The following MCOLN1 variants were observed in gnomAD, a reference collection of about 807,000 sequenced individuals.
MCOLN1 encodes mucolipin TRP cation channel 1, also known as mucolipin-1.
MCOLN1 carries 50 observed loss-of-function variants against 70.3 expected under a neutral mutation model. That is an observed-to-expected ratio of 0.71 (90% CI 0.57 to 0.90). The LOEUF is 0.90. MCOLN1 is among the 40% of genes least tolerant of loss of function. MCOLN1 has a pLI of 0.00. For missense variants in MCOLN1, 598 were observed against 803.5 expected (o/e 0.74, Z 3.09); for synonymous variants, 366 against 341.0 (o/e 1.07, Z -0.81).
intron 1 of MCOLN1, among the ~76,000 whole-genome samples, chr19:7,523,008 G>T (rs2022516908): frequency 6.6e-6 from 1 of 152,118 alleles, no homozygotes; most frequent in Non-Finnish European, 1.5e-5. Flanking sequence ...ACTCAGGCAG[G>T]GATCGCGCCG....
chr19:7,533,709 G>C, intron 13 of MCOLN1, 50 bp from the exon 14 acceptor site: 1 of 1,614,168 alleles, frequency 6.2e-7, no homozygotes. Context: ...GGGGAAAGGG[G>C]AGCGAGCCAG....
At chr19:7,532,324 C>T (rs2022664591) in intron 12 of MCOLN1, among the ~76,000 whole-genome samples, 1 of 152,146 alleles carries the variant, frequency 6.6e-6, no homozygotes, top group Admixed American at 6.5e-5. Flanking sequence ...GGGACCCCTG[C>T]TTTAGATTGG....
chr19:7,525,089 G>T lies in MCOLN1; in HGVS notation c.160G>T (p.Asp54Tyr). The change falls in exon 2 of 14, where the codon GAC (aspartate) becomes TAC (tyrosine). Residue 54 changes from aspartate to tyrosine, a missense_variant. Asp to Tyr is a radical substitution (Grantham distance 160, BLOSUM62 -3). Transcript: ENST00000264079. This position sits in a 1 kb window ranked among gnomAD's most constrained non-coding sequence, Gnocchi z 4.2. ...RLKYFFMSPC[D>Y]KFRAKGRKPC... Reference sequence around the variant, plus strand: ...CAAATACTTTTTCATGAGTCCCTGCGACAAGTTTCGAGCCAAGGGCCGCAA... The same window carrying T: ...CAAATACTTTTTCATGAGTCCCTGCTACAAGTTTCGAGCCAAGGGCCGCAA... The T allele has an allele frequency of 6.2e-7, 1 of 1,614,130 alleles. No individual in the cohort carries two copies. Among genetic ancestry groups the T allele is most frequent in the South Asian group, 1.1e-5 (1 of 91,078 alleles).
Position 7,530,357 on chromosome 19 carries a change from C to A in MCOLN1, c.1431C>A (p.Phe477Leu). 6.2e-7 allele frequency: 1 copy of A among 1,613,882 alleles called. No homozygotes were observed. Among genetic ancestry groups the A allele is most frequent in the Non-Finnish European group, 8.5e-7 (1 of 1,180,032 alleles). ...LINGDDMFVT[F>L]AAMQAQQGRS... ...ATGGGGACGACATGTTTGTGACGTTCGCCGCCATGCAGGCGCAGCAGGGCC... is the reference window on the plus strand; with the variant it reads ...ATGGGGACGACATGTTTGTGACGTTAGCCGCCATGCAGGCGCAGCAGGGCC... The change falls in exon 12 of 14, where the codon TTC (phenylalanine) becomes TTA (leucine). Residue 477 changes from phenylalanine to leucine, a missense_variant. This residue lies in a region of MCOLN1 where 78 missense variants were observed against 156.2 expected (regional missense o/e 0.50). Transcript: ENST00000264079.
intron 5 of MCOLN1, 47 bp downstream of exon 5, chr19:7,527,675 C>A: frequency 7.5e-7 from 1 of 1,331,020 alleles, no homozygotes; most frequent in Non-Finnish European, 1.1e-6. Flanking sequence ...GGAGGCAGCA[C>A]ACTAGGCACT....
At chr19:7,529,533 AC>A (rs2146025369) in intron 10 of MCOLN1, 56 bp from the exon 11 acceptor site, 1 of 462,466 alleles carries the variant, frequency 2.2e-6, no homozygotes, top group Non-Finnish European at 3.6e-6. Context: ...CTGGGTGCCC[AC>A]AGCTGACCTG....
chr19:7,525,344 A>T lies in MCOLN1; in HGVS notation c.237+178A>T. ...CCATCTCTACTAAAAATACAAAAAA[A>T]TTAGCCGTGCGTGGTGGCGGGTGCC... On this transcript the variant is annotated intron_variant, in intron 2 of 13. Transcript: ENST00000264079. This position sits in a 1 kb window ranked among gnomAD's most constrained non-coding sequence, Gnocchi z 4.2. 1.6e-6 allele frequency: 1 copy of T among 635,570 alleles called. No individual in the cohort carries two copies. Among genetic ancestry groups the T allele is most frequent in the South Asian group, 1.7e-5 (1 of 60,280 alleles). 39.4% of individuals were successfully genotyped at this position (635,570 alleles called of 1,614,324 possible).
chr19:7,524,966 G>A lies in MCOLN1; in HGVS notation c.37G>A (p.Glu13Lys), dbSNP rs771709900. The change falls in exon 2 of 14, where the codon GAG (glutamate) becomes AAG (lysine). Residue 13 changes from glutamate (E) to lysine (K), a missense_variant. Around this residue, in one of 3 missense-constraint regions of MCOLN1, gnomAD observed 461 missense variants for 588.4 expected, o/e 0.78. Transcript: ENST00000264079. This position sits in a 1 kb window ranked among gnomAD's most constrained non-coding sequence, Gnocchi z 4.1. ...APAGPRGSETERLLTPNPGYG... is the reference protein window; with the variant it reads ...APAGPRGSETKRLLTPNPGYG... ...GCCCTCTCCTATTCCCACAGAGACC[G>A]AGCGGCTTCTGACCCCCAACCCCGG... is the stretch of plus-strand genomic sequence containing the variant. 7.4e-6 allele frequency: 12 copies of A among 1,613,426 alleles called. No individual in the cohort carries two copies. The highest frequency in any genetic ancestry group is 6.7e-5 in the Admixed American group (4 of 60,006).
chr19:7,528,628 G>A lies in MCOLN1; in HGVS notation c.909G>A (p.Val303=), dbSNP rs2022607806. 6.2e-7 allele frequency: 1 copy of A among 1,614,224 alleles called. No individual in the cohort carries two copies. The highest frequency in any genetic ancestry group is 8.5e-7 in the Non-Finnish European group (1 of 1,180,038). ...ACAGCTTCCGGCTCCTGTTTGACGT[G>A]GTGGTCATCCTCACCTGCTCCCTGT... ...GDNSFRLLFD[V]VVILTCSLSF... is the part of the protein sequence containing the mutation. Residue 303 remains valine, a synonymous_variant, in exon 8 of 14, where the codon GTG becomes GTA. Transcript: ENST00000264079. The surrounding 1 kb of genome is among the most constrained non-coding windows in gnomAD (Gnocchi z 4.2).
Position 7,533,741 on chromosome 19 carries a change from C to T in MCOLN1, c.1707-18C>T, listed in dbSNP as rs1233641743. ...CCAGAGAAAACTGACGCCCCTCTTC[C>T]CTGCTTCCTTCCTCCAGGGACCCCT... On this transcript the variant is annotated intron_variant, in intron 13 of 13. Coordinates refer to ENST00000264079, the MANE Select transcript of MCOLN1 (RefSeq NM_020533.3). 2.5e-6 allele frequency: 4 copies of T among 1,614,220 alleles called. No individual in the cohort carries two copies. The highest frequency in any genetic ancestry group is 1.6e-4 in the Middle Eastern group (1 of 6,062).
chr19:7,530,275 C>T lies in MCOLN1; in HGVS notation c.1360-11C>T. ...CCTTGGCTCCCTCTGACCCCGCCGC[C>T]CCTCTGGCAGTTCCGCTCACTCTCC... On this transcript the variant is annotated splice_polypyrimidine_tract_variant and intron_variant, in intron 11 of 13. Coordinates refer to ENST00000264079, the MANE Select transcript of MCOLN1 (RefSeq NM_020533.3). 6.2e-7 allele frequency: 1 copy of T among 1,611,194 alleles called. No homozygotes were observed. Among genetic ancestry groups the T allele is most frequent in the Non-Finnish European group, 8.5e-7 (1 of 1,179,382 alleles).
chr19:7,529,482 C>T (rs879639187), intron 10 of MCOLN1, 108 bp from the exon 11 acceptor site: 24 of 1,396,812 alleles, frequency 1.7e-5, no homozygotes, highest in Middle Eastern at 2.4e-4. Flanking sequence ...ATGACCACAC[C>T]GGCTGTGCCC....
At position 7,524,862 on chromosome 19, in the gene MCOLN1, G is replaced by C. The variant is rs1198834123; in HGVS notation, c.32-99G>C. ...AGAGCTCTTCCTTGGCAGGAGCATG[G>C]GGACATGAAGATAGGGCGTGTGCTG... On this transcript the variant is annotated intron_variant, in intron 1 of 13. Transcript: ENST00000264079. The surrounding 1 kb of genome is among the most constrained non-coding windows in gnomAD (Gnocchi z 4.1). The C allele has an allele frequency of 3.0e-5, 29 of 954,940 alleles. No homozygotes were observed. The highest frequency in any genetic ancestry group is 4.3e-5 in the Non-Finnish European group (26 of 600,002). 59.2% of individuals were successfully genotyped at this position (954,940 alleles called of 1,614,324 possible).
At position 7,533,791 on chromosome 19, in the gene MCOLN1, A is replaced by G. The variant is rs369191172; in HGVS notation, c.1739A>G (p.Asn580Ser). 3 of 1,614,130 alleles carry G rather than the reference A, an allele frequency of 1.9e-6. No homozygotes were observed. Among genetic ancestry groups the G allele is most frequent in the Admixed American group, 1.7e-5 (1 of 60,024 alleles). ...TCGGAGGAGCATTCGCTGCTGGTGA[A>G]TTGATTCGACCTGACTGCCGTTGGA... ...DPSEEHSLLV[N>S] The change falls in exon 14 of 14, where the codon AAT becomes AGT. Residue 580 changes from asparagine to serine, a missense_variant. By Grantham distance (46) the Asn-to-Ser change is conservative. Around this residue, in one of 3 missense-constraint regions of MCOLN1, gnomAD observed 59 missense variants for 58.8 expected, o/e 1.00. Transcript: ENST00000264079.
At position 7,527,132 on chromosome 19, in the gene MCOLN1, C is replaced by T. The variant is rs113935640; in HGVS notation, c.571+206C>T. Reference sequence around the variant, plus strand: ...TCTACGCACAAACAAATTAGCTGGGCGTGGTGGCGTGCCCCTGTGGTCCCA... The same window carrying T: ...TCTACGCACAAACAAATTAGCTGGGTGTGGTGGCGTGCCCCTGTGGTCCCA... On this transcript the variant is annotated intron_variant, in intron 4 of 13. Coordinates refer to ENST00000264079, the MANE Select transcript of MCOLN1 (RefSeq NM_020533.3). 4.8e-3 allele frequency: 3,177 copies of T among 663,118 alleles called. 73 individuals carry two copies. In the African/African-American group the frequency reaches 0.049, roughly 10 times the overall value. 41.1% of individuals were successfully genotyped at this position (663,118 alleles called of 1,614,324 possible).
chr19:7,533,430 CGATGCA>C, intron 12 of MCOLN1, 87 bp from the exon 13 acceptor site: 1 of 1,544,720 alleles, frequency 6.5e-7, no homozygotes, highest in East Asian at 2.3e-5. Flanking sequence ...AGGTGGGAAG[CGATGCA>C]GATATGGCTG....
chr19:7,527,147 C>T (rs1403674251), intron 4 of MCOLN1: 1 of 641,056 alleles, frequency 1.6e-6, no homozygotes, highest in African/African-American at 1.8e-5. Context: ...TGGCGTGCCC[C>T]TGTGGTCCCA....
chr19:7,526,326 C>A lies in MCOLN1; in HGVS notation c.238-113C>A. On this transcript the variant is annotated intron_variant, in intron 2 of 13. Transcript: ENST00000264079. This position sits in a 1 kb window ranked among gnomAD's most constrained non-coding sequence, Gnocchi z 4.6. Reference sequence around the variant, plus strand: ...CCCAAGTTAGCAGGGCCCTGCCCCACCCCAGTGGACATCTGCAGGGCCCTC... The same window carrying A: ...CCCAAGTTAGCAGGGCCCTGCCCCAACCCAGTGGACATCTGCAGGGCCCTC... 1 of 1,268,458 alleles carries A rather than the reference C, an allele frequency of 7.9e-7. No homozygotes were observed. Among genetic ancestry groups the A allele is most frequent in the Non-Finnish European group, 1.2e-6 (1 of 867,348 alleles). 78.6% of individuals were successfully genotyped at this position (1,268,458 alleles called of 1,614,324 possible). A position where few individuals can be genotyped will look rare whatever the true frequency, so the allele number is the denominator to read the frequency against.
At position 7,527,130 on chromosome 19, in the gene MCOLN1, G is replaced by T. The variant is rs991915303; in HGVS notation, c.571+204G>T. 8 of 663,840 alleles carry T rather than the reference G, an allele frequency of 1.2e-5. No individual in the cohort carries two copies. In the Admixed American group the frequency reaches 1.7e-4, roughly 14 times the overall value. 41.1% of individuals were successfully genotyped at this position (663,840 alleles called of 1,614,324 possible). A position where few individuals can be genotyped will look rare whatever the true frequency, so the allele number is the denominator to read the frequency against. Reference sequence around the variant, plus strand: ...TCTCTACGCACAAACAAATTAGCTGGGCGTGGTGGCGTGCCCCTGTGGTCC... The same window carrying T: ...TCTCTACGCACAAACAAATTAGCTGTGCGTGGTGGCGTGCCCCTGTGGTCC... On this transcript the variant is annotated intron_variant, in intron 4 of 13. Transcript: ENST00000264079.
Sources: gnomAD v4.1 joint callset for allele counts (sites outside exome capture counted in the v4.1 genomes callset) on GRCh38, gnomAD v4.1.1 for gene constraint, gnomAD v4.1.1 regional missense constraint, Gnocchi (gnomAD v3.1) non-coding constraint, MANE v1.5 for transcripts, NCBI Gene and HGNC (gene_info 2026-07-23, HGNC 2026-07-21) for gene names.